Variants in PCDH15 observed in about 807,000 individuals in gnomAD.
PCDH15 encodes protocadherin-15.
Under a neutral mutation model 178.5 loss-of-function variants are expected in PCDH15, and 129 were observed. The observed-to-expected ratio is 0.72, with a 90% confidence interval of 0.63 to 0.84. The LOEUF (loss-of-function observed/expected upper bound fraction) is 0.84. PCDH15 is among the 40% of genes least tolerant of loss of function. The probability of loss-of-function intolerance (pLI) is 0.00; values close to 1 mark genes in which losing one functional copy is unlikely to be tolerated. For missense variants in PCDH15, 2,230 were observed against 2,099.9 expected (o/e 1.06, Z -1.21); for synonymous variants, 800 against 732.0 (o/e 1.09, Z -1.50).
intron 28 of PCDH15, among the ~76,000 whole-genome samples, chr10:53,847,050 T>C (rs937416120): frequency 2.6e-5 from 4 of 152,060 alleles, no homozygotes; most frequent in Non-Finnish European, 5.9e-5. Context: ...CATTATTGTG[T>C]CTTTGTGGAA....
chr10:55,128,036 T>C (rs1042620127), intron 2 of PCDH15, among the ~76,000 whole-genome samples: 5 of 152,042 alleles, frequency 3.3e-5, no homozygotes, highest in African/African-American at 1.2e-4. Flanking sequence ...CCCCAGGCAA[T>C]AATCTAAAGA....
At chr10:54,422,449 A>T in intron 3 of PCDH15, among the ~76,000 whole-genome samples, 1 of 152,174 alleles carries the variant, frequency 6.6e-6, no homozygotes, top group South Asian at 2.1e-4. Context: ...TAGTTATGTG[A>T]CAGTCACTTC....
chr10:54,477,707 C>T (rs11004330), intron 3 of PCDH15, among the ~76,000 whole-genome samples: 72,465 of 152,060 alleles, frequency 0.48, 18,083 homozygotes, highest in Admixed American at 0.6. Context: ...ACAATTCTCA[C>T]GCCTGAGCCT....
chr10:55,232,315 T>C (rs1841250021), intron 1 of PCDH15, among the ~76,000 whole-genome samples: 1 of 152,094 alleles, frequency 6.6e-6, no homozygotes, highest in Admixed American at 6.6e-5. Context: ...ATTTTGTGGA[T>C]TAACATTTAA....
intron 35 of PCDH15, among the ~76,000 whole-genome samples, chr10:53,814,732 G>A (rs2075999358): frequency 1.3e-5 from 2 of 152,102 alleles, no homozygotes; most frequent in African/African-American, 4.8e-5. Flanking sequence ...TTGGGAGGCC[G>A]AGGTGGGCGG....
At chr10:54,678,176 A>G (rs1047691718) in intron 1 of PCDH15, among the ~76,000 whole-genome samples, 8 of 152,188 alleles carry the variant, frequency 5.3e-5, no homozygotes, top group African/African-American at 1.9e-4. Context: ...ACACACACAT[A>G]TATTTATATA....
chr10:54,582,576 T>C (rs2091133517), intron 2 of PCDH15, among the ~76,000 whole-genome samples: 1 of 152,044 alleles, frequency 6.6e-6, no homozygotes, highest in Admixed American at 6.6e-5. Flanking sequence ...AACAATACAA[T>C]ATGAAATATA....
At chr10:55,393,647 C>A (rs890230085) in intron 2 of PCDH15, among the ~76,000 whole-genome samples, 1 of 152,154 alleles carries the variant, frequency 6.6e-6, no homozygotes, top group Non-Finnish European at 1.5e-5. Flanking sequence ...AAAACCCACA[C>A]TTTTGCTGAA....
At chr10:55,165,849 T>C (rs72801673) in intron 2 of PCDH15, among the ~76,000 whole-genome samples, 1 of 152,022 alleles carries the variant, frequency 6.6e-6, no homozygotes, top group Non-Finnish European at 1.5e-5. Flanking sequence ...ATAAATTTTA[T>C]TCATTACTAC....
chr10:55,624,887 T>C (rs988874967), intron 2 of PCDH15, among the ~76,000 whole-genome samples: 2 of 152,106 alleles, frequency 1.3e-5, no homozygotes, highest in Non-Finnish European at 2.9e-5. Context: ...GTTTTATTAA[T>C]GGAAATGAAG....
At chr10:54,440,060 GA>G (rs879264707) in intron 3 of PCDH15, among the ~76,000 whole-genome samples, 29 of 151,818 alleles carry the variant, frequency 1.9e-4, no homozygotes, top group East Asian at 3.9e-4. Flanking sequence ...TGACTGGGGG[GA>G]AAAAAACTTC....
At chr10:54,170,411 G>A (rs1207625328) in intron 13 of PCDH15, among the ~76,000 whole-genome samples, 1 of 151,394 alleles carries the variant, frequency 6.6e-6, no homozygotes, top group East Asian at 1.9e-4. Flanking sequence ...TGCAGTGGCT[G>A]CCACTGCATT....
At chr10:55,601,644 T>C (rs1043329003) in intron 2 of PCDH15, among the ~76,000 whole-genome samples, 1 of 151,918 alleles carries the variant, frequency 6.6e-6, no homozygotes, top group African/African-American at 2.4e-5. Context: ...AAGAATAAAA[T>C]TGAGTAAAAA....
intron 3 of PCDH15, among the ~76,000 whole-genome samples, chr10:54,434,147 A>G (rs1464558504): frequency 1.3e-5 from 2 of 152,254 alleles, no homozygotes; most frequent in Non-Finnish European, 2.9e-5. Flanking sequence ...GTGCAGGTGT[A>G]CAATGTGTGC....
chr10:54,352,705 A>G (rs1282811506), intron 5 of PCDH15, among the ~76,000 whole-genome samples: 2 of 152,048 alleles, frequency 1.3e-5, no homozygotes, highest in Non-Finnish European at 2.9e-5. Flanking sequence ...CTACACATTT[A>G]TTTTCCAATT....
intron 21 of PCDH15, among the ~76,000 whole-genome samples, chr10:53,990,509 G>GTT (rs1283069658): frequency 3.0e-5 from 3 of 101,556 alleles, no homozygotes; most frequent in Admixed American, 9.6e-5. Context: ...TTATATATAT[G>GTT]TTATATATAT....
chr10:54,414,604 A>G (rs1954051532), intron 3 of PCDH15, among the ~76,000 whole-genome samples: 2 of 152,156 alleles, frequency 1.3e-5, no homozygotes, highest in Non-Finnish European at 2.9e-5. Context: ...TCAACTTTTT[A>G]CTATACGTCA....
At chr10:54,527,111 GAT>G (rs2083435868) in intron 3 of PCDH15, among the ~76,000 whole-genome samples, 2 of 152,160 alleles carry the variant, frequency 1.3e-5, no homozygotes, top group Admixed American at 1.3e-4. Flanking sequence ...AGTCCCAAGA[GAT>G]AACCATTTTA....
chr10:53,970,862 A>C (rs1260012458), intron 21 of PCDH15, among the ~76,000 whole-genome samples: 4 of 152,334 alleles, frequency 2.6e-5, no homozygotes, highest in African/African-American at 9.6e-5. Flanking sequence ...CCAGAGGTAC[A>C]AAGTGGATCT....
Sources: gnomAD v4.1 joint callset for allele counts (sites outside exome capture counted in the v4.1 genomes callset) on GRCh38, gnomAD v4.1.1 for gene constraint, MANE v1.5 for transcripts, NCBI Gene and HGNC (gene_info 2026-07-23, HGNC 2026-07-21) for gene names.